TIAM2: variants seen among roughly 807,000 people sequenced by gnomAD.
TIAM2 encodes the protein TIAM Rac1 associated GEF 2, also known as rho guanine nucleotide exchange factor TIAM2.
In TIAM2, 80 loss-of-function variants were observed where a neutral mutation model predicts 152.9. That is an observed-to-expected ratio of 0.52 (90% CI 0.44 to 0.63). The LOEUF (loss-of-function observed/expected upper bound fraction) is 0.63, where lower values mean the gene tolerates loss of function less well. Ranked by LOEUF, TIAM2 falls within the 30% of genes least tolerant of loss-of-function variation. The pLI, the probability that TIAM2 is intolerant of heterozygous loss-of-function variation, is 0.00. For missense variants in TIAM2, 1,965 were observed against 2,120.1 expected (o/e 0.93, Z 1.44); for synonymous variants, 804 against 838.0 (o/e 0.96, Z 0.70).
At chr6:155,230,662 A>G (rs1225157479) in intron 15 of TIAM2, among the ~76,000 whole-genome samples, 1 of 152,188 alleles carries the variant, frequency 6.6e-6, no homozygotes, top group African/African-American at 2.4e-5. Context: ...TTCAACCGCT[A>G]TAAAAAAATG....
chr6:155,088,731 C>T (rs754671057), intron 1 of TIAM2, among the ~76,000 whole-genome samples: 4 of 152,200 alleles, frequency 2.6e-5, no homozygotes, highest in Non-Finnish European at 5.9e-5. Context: ...GGGCCACCTG[C>T]GGCCCAGGAT....
chr6:155,198,356 A>T (rs1781394277), intron 14 of TIAM2, among the ~76,000 whole-genome samples: 1 of 152,168 alleles, frequency 6.6e-6, no homozygotes, highest in Non-Finnish European at 1.5e-5. Flanking sequence ...GAGTGAAAGG[A>T]AGGTTGTTAG....
intron 1 of TIAM2, among the ~76,000 whole-genome samples, chr6:155,079,928 A>G (rs939898412): frequency 6.6e-6 from 1 of 152,216 alleles, no homozygotes; most frequent in Non-Finnish European, 1.5e-5. Context: ...AGCCTGGTTA[A>G]TAGAGTGAGA....
At chr6:155,198,635 CT>C (rs1455275860) in intron 14 of TIAM2, among the ~76,000 whole-genome samples, 4 of 95,098 alleles carry the variant, frequency 4.2e-5, no homozygotes, top group African/African-American at 1.5e-4. Context: ...GCACTCCAGC[CT>C]AGACAACAAG....
At chr6:155,092,918 A>C (rs1263052831) in intron 2 of TIAM2, among the ~76,000 whole-genome samples, 2 of 152,186 alleles carry the variant, frequency 1.3e-5, no homozygotes, top group Non-Finnish European at 2.9e-5. Context: ...CACAAGTTTG[A>C]AATTTGTTTT....
In TIAM2 at chr6:155,102,069, T is replaced by C. The variant is rs550206938; in HGVS notation, c.-118+11690T>C. 2.6e-4 allele frequency among the ~76,000 whole-genome samples: 39 copies of C among 151,992 alleles called. No homozygotes were observed. In the South Asian group the frequency reaches 7.5e-3, roughly 29 times the overall value. ...GTAAGTGCAGTGGCACTATCTTAGC[T>C]CATTGCAACCTCTGCCATCTGGGTT... is the stretch of plus-strand genomic sequence containing the variant. On this transcript the variant is annotated intron_variant, in intron 2 of 26. Coordinates refer to ENST00000682666, the MANE Select transcript of TIAM2 (RefSeq NM_012454.4).
At chr6:155,047,704 A>AGAGAG (rs1442589416) in intron 1 of TIAM2, among the ~76,000 whole-genome samples, 1 of 82,216 alleles carries the variant, frequency 1.2e-5, no homozygotes, top group African/African-American at 5.3e-5. Flanking sequence ...AGAGAGAGAG[A>AGAGAG]GCGAGAGAGA....
chr6:155,246,117 C>A (rs1156522916), intron 19 of TIAM2, among the ~76,000 whole-genome samples: 1 of 151,320 alleles, frequency 6.6e-6, no homozygotes, highest in Non-Finnish European at 1.5e-5. Flanking sequence ...GGAGCCACAA[C>A]AGCCTACCAC....
chr6:155,166,087 C>A (rs1780428964), intron 9 of TIAM2, among the ~76,000 whole-genome samples: 2 of 152,048 alleles, frequency 1.3e-5, no homozygotes, highest in African/African-American at 4.8e-5. Context: ...GTGGATTTTG[C>A]TCACTAAATC....
intron 7 of TIAM2, among the ~76,000 whole-genome samples, chr6:155,154,448 T>C (rs755890031): frequency 7.9e-5 from 12 of 152,264 alleles, no homozygotes; most frequent in Middle Eastern, 3.4e-3. Context: ...CTCTTGGGTG[T>C]TTCTGGGGCA....
Position 155,168,048 on chromosome 6 carries a change from T to C in TIAM2, c.2361+2639T>C, listed in dbSNP as rs186496592. On this transcript the variant is annotated intron_variant, in intron 9 of 26. Transcript: ENST00000682666. ...GAACATTTTTTGTTTTAAAAAGATA[T>C]GAAACTAATTACAGTGTCAGTATTT... 1.8e-3 allele frequency among the ~76,000 whole-genome samples: 272 copies of C among 152,354 alleles called. 3 individuals carry two copies. The highest frequency in any genetic ancestry group is 6.2e-3 in the African/African-American group (256 of 41,580).
intron 1 of TIAM2, among the ~76,000 whole-genome samples, chr6:155,010,782 G>A (rs1778474811): frequency 6.6e-6 from 1 of 152,082 alleles, no homozygotes; most frequent in Non-Finnish European, 1.5e-5. Context: ...AGGCGCGGTG[G>A]CTCATGTTGG....
In TIAM2 at chr6:155,148,140, G is replaced by T; in HGVS notation, c.1834G>T (p.Val612Phe). The T allele has an allele frequency of 1.2e-6, 2 of 1,613,812 alleles. No homozygotes were observed. The highest frequency in any genetic ancestry group is 1.7e-6 in the Non-Finnish European group (2 of 1,180,028). ...ATSQTDLENW[V>F]TAVHSACASL... ...CAGCCAGACAGATCTAGAAAACTGG[G>T]TCACTGCTGTACACTCTGCTTGTGC... Residue 612 changes from valine (V) to phenylalanine (F), a missense_variant, in exon 7 of 27, where the codon GTC becomes TTC. Around this residue, in one of 3 missense-constraint regions of TIAM2, gnomAD observed 1,025 missense variants for 1,119.4 expected, o/e 0.92. Coordinates refer to ENST00000682666, the MANE Select transcript of TIAM2 (RefSeq NM_012454.4).
At chr6:155,039,058 T>G (rs537268523) in intron 1 of TIAM2, among the ~76,000 whole-genome samples, 1 of 142,936 alleles carries the variant, frequency 7.0e-6, no homozygotes, top group Admixed American at 7.4e-5. Context: ...CCTACCAGAC[T>G]CAGGTGATCC....
At chr6:155,072,676 G>A (rs1777865745) in intron 1 of TIAM2, among the ~76,000 whole-genome samples, 1 of 152,168 alleles carries the variant, frequency 6.6e-6, no homozygotes, top group South Asian at 2.1e-4. Context: ...AAGAAATAGA[G>A]TCTTGGTTGT....
chr6:155,064,642 T>C (rs905372030), intron 1 of TIAM2, among the ~76,000 whole-genome samples: 2 of 152,128 alleles, frequency 1.3e-5, no homozygotes, highest in Non-Finnish European at 2.9e-5. Flanking sequence ...AGGTGGAGGG[T>C]TGACAAGGTT....
intron 1 of TIAM2, among the ~76,000 whole-genome samples, chr6:155,047,702 AGAGC>A (rs766876152): frequency 0.025 from 639 of 25,426 alleles, 18 homozygotes; most frequent in African/African-American, 0.064. Context: ...AGAGAGAGAG[AGAGC>A]GAGAGAGAGA....
At chr6:155,178,298 C>T (rs993170194) in intron 10 of TIAM2, among the ~76,000 whole-genome samples, 5 of 150,608 alleles carry the variant, frequency 3.3e-5, no homozygotes, top group Admixed American at 6.6e-5. Flanking sequence ...TACACATTTT[C>T]GTTTTGAAAG....
At chr6:155,093,499 T>C (rs911082008) in intron 2 of TIAM2, among the ~76,000 whole-genome samples, 1 of 152,162 alleles carries the variant, frequency 6.6e-6, no homozygotes, top group Non-Finnish European at 1.5e-5. Flanking sequence ...TGAGCAGATG[T>C]CATGTGTAAG....
Sources: gnomAD v4.1 joint callset for allele counts (sites outside exome capture counted in the v4.1 genomes callset) on GRCh38, gnomAD v4.1.1 for gene constraint, gnomAD v4.1.1 regional missense constraint, MANE v1.5 for transcripts, NCBI Gene and HGNC (gene_info 2026-07-23, HGNC 2026-07-21) for gene names.